The following SH3RF3 variants were observed in gnomAD, a reference collection of about 807,000 sequenced individuals.
SH3RF3 encodes E3 ubiquitin-protein ligase SH3RF3.
A neutral mutation model predicts 66.3 loss-of-function variants in SH3RF3; 29 were observed. The ratio of observed to expected loss-of-function variants is 0.44; its 90% CI spans 0.33 to 0.60. SH3RF3 has a LOEUF of 0.60. Ranked by LOEUF, SH3RF3 falls within the 20% of genes least tolerant of loss-of-function variation. SH3RF3 has a pLI of 0.04. For synonymous variants in SH3RF3, 583 were observed against 532.0 expected, an observed-to-expected ratio of 1.10 and a Z score of -1.32; for missense variants, 1,194 against 1,190.9, an observed-to-expected ratio of 1.00 and a Z score of -0.04.
Position 109,501,760 on chromosome 2 carries a change from G to A in SH3RF3, c.*89G>A. On this transcript the variant is annotated 3_prime_UTR_variant, in exon 10 of 10. Transcript: ENST00000309415. ...CAGAGAGGGAGCCATGGCGCCCCAA[G>A]GGTTCCAGGTCATCTCCAAGGCACC... 1 of 663,328 alleles carries A rather than the reference G, an allele frequency of 1.5e-6. No individual in the cohort carries two copies. Among genetic ancestry groups the A allele is most frequent in the Non-Finnish European group, 2.8e-6 (1 of 362,614 alleles). 41.1% of individuals were successfully genotyped at this position (663,328 alleles called of 1,614,324 possible). A position where few individuals can be genotyped will look rare whatever the true frequency, so the allele number is the denominator to read the frequency against.
chr2:109,302,536 G>A (rs563520609), intron 1 of SH3RF3, among the ~76,000 whole-genome samples: 1 of 152,356 alleles, frequency 6.6e-6, no homozygotes, highest in African/African-American at 2.4e-5. Flanking sequence ...CCCTCTAGGA[G>A]CTTGGGGACC....
At chr2:109,278,343 G>C (rs1447400713) in intron 1 of SH3RF3, among the ~76,000 whole-genome samples, 2 of 152,228 alleles carry the variant, frequency 1.3e-5, no homozygotes, top group Admixed American at 6.5e-5. Flanking sequence ...ATGGGGGTGG[G>C]CCCAGGGGCA....
chr2:109,409,899 T>TG (rs1273977627), intron 4 of SH3RF3, among the ~76,000 whole-genome samples: 21 of 152,116 alleles, frequency 1.4e-4, no homozygotes, highest in African/African-American at 4.6e-4. Context: ...CACTGCTCCT[T>TG]GGGGTGATGA....
chr2:109,423,196 G>A (rs1192016516), intron 5 of SH3RF3, among the ~76,000 whole-genome samples: 1 of 152,076 alleles, frequency 6.6e-6, no homozygotes, highest in Non-Finnish European at 1.5e-5. Context: ...TAGGGAGATG[G>A]GGGGTTGGCC....
chr2:109,278,271 A>G (rs1680805791), intron 1 of SH3RF3, among the ~76,000 whole-genome samples: 1 of 152,144 alleles, frequency 6.6e-6, no homozygotes, highest in Non-Finnish European at 1.5e-5. Context: ...TAGGCACTTT[A>G]TCGGCAGGGC....
At chr2:109,251,373 G>C (rs570590550) in intron 1 of SH3RF3, 29 of 646,478 alleles carry the variant, frequency 4.5e-5, no homozygotes, top group South Asian at 4.2e-4. Flanking sequence ...GCATGAGGGA[G>C]TCTGTGCATT....
At chr2:109,388,644 A>G (rs1675894027) in intron 3 of SH3RF3, among the ~76,000 whole-genome samples, 1 of 152,218 alleles carries the variant, frequency 6.6e-6, no homozygotes, top group Non-Finnish European at 1.5e-5. Context: ...ACACCTATGC[A>G]TGGAATAGGT....
chr2:109,451,467 C>T (rs1657568308), intron 8 of SH3RF3, among the ~76,000 whole-genome samples: 2 of 152,340 alleles, frequency 1.3e-5, no homozygotes, highest in African/African-American at 2.4e-5. Flanking sequence ...AGAATTCCCT[C>T]TCTCTAGTTT....
chr2:109,143,099 G>C (rs368102826), intron 1 of SH3RF3, among the ~76,000 whole-genome samples: 2 of 152,162 alleles, frequency 1.3e-5, no homozygotes, highest in East Asian at 3.9e-4. Flanking sequence ...GGCCTGCCAT[G>C]ATGGCCACAA....
intron 3 of SH3RF3, among the ~76,000 whole-genome samples, chr2:109,393,825 T>C (rs1347156244): frequency 6.6e-6 from 1 of 152,044 alleles, no homozygotes; most frequent in African/African-American, 2.4e-5. Context: ...TGCTCTTCTT[T>C]TCATGTTACA....
At chr2:109,314,541 A>G (rs931847221) in intron 1 of SH3RF3, among the ~76,000 whole-genome samples, 4 of 152,240 alleles carry the variant, frequency 2.6e-5, no homozygotes, top group Admixed American at 6.5e-5. Flanking sequence ...GAATAGCACC[A>G]TCAACTAATA....
intron 3 of SH3RF3, among the ~76,000 whole-genome samples, chr2:109,393,780 G>A (rs1173685676): frequency 6.6e-6 from 1 of 151,898 alleles, no homozygotes; most frequent in East Asian, 1.9e-4. Context: ...ACTTTGCGCT[G>A]TTTTTCTTTT....
chr2:109,133,695 A>G lies in SH3RF3; in HGVS notation c.573+3582A>G, dbSNP rs183014411. Among the ~76,000 whole-genome samples, 658 of 149,738 alleles carry G rather than the reference A, an allele frequency of 4.4e-3. 1 individual carries two copies. Among genetic ancestry groups the G allele is most frequent in the Admixed American group, 9.9e-3 (148 of 15,006 alleles). The stretch of plus-strand genomic sequence containing the variant: ...TTGTTAGTGTTTGAGTCTTTCATAC[A>G]TGGTCATCTTGATTTCCCAAGGGAC... On this transcript the variant is annotated intron_variant, in intron 1 of 9. Coordinates refer to ENST00000309415, the MANE Select transcript of SH3RF3 (RefSeq NM_001099289.3).
intron 1 of SH3RF3, among the ~76,000 whole-genome samples, chr2:109,269,333 C>T (rs2105313881): frequency 6.6e-6 from 1 of 152,314 alleles, no homozygotes; most frequent in East Asian, 1.9e-4. Flanking sequence ...CTTGCCTTCC[C>T]CCCGGGAGAA....
At chr2:109,393,469 T>C (rs140873855) in intron 3 of SH3RF3, among the ~76,000 whole-genome samples, 2 of 152,324 alleles carry the variant, frequency 1.3e-5, no homozygotes, top group African/African-American at 4.8e-5. Context: ...GGTCGTTCAG[T>C]GCACACTGAA....
intron 1 of SH3RF3, among the ~76,000 whole-genome samples, chr2:109,263,128 G>T (rs189150986): frequency 2.6e-5 from 4 of 152,190 alleles, no homozygotes; most frequent in Admixed American, 6.5e-5. Flanking sequence ...TTATAGGCGT[G>T]AGCCACCACG....
chr2:109,499,687 C>T (rs1340831661), intron 9 of SH3RF3, among the ~76,000 whole-genome samples: 5 of 152,196 alleles, frequency 3.3e-5, no homozygotes, highest in African/African-American at 7.2e-5. Flanking sequence ...CCTGGGGCCA[C>T]CACAGCTGCT....
intron 1 of SH3RF3, among the ~76,000 whole-genome samples, chr2:109,144,985 C>T (rs1677058490): frequency 6.6e-6 from 1 of 152,264 alleles, no homozygotes; most frequent in Admixed American, 6.5e-5. Flanking sequence ...CACCCGGCTC[C>T]TGGGCTCTAA....
intron 1 of SH3RF3, among the ~76,000 whole-genome samples, chr2:109,256,819 T>C (rs1209021456): frequency 6.6e-6 from 1 of 152,192 alleles, no homozygotes; most frequent in Admixed American, 6.5e-5. Flanking sequence ...TAGGTGGCAG[T>C]GCCGGGTGAC....
Sources: allele counts gnomAD v4.1 joint callset (sites outside exome capture counted in the v4.1 genomes callset), GRCh38; gene constraint gnomAD v4.1.1; transcripts MANE v1.5; gene names NCBI Gene and HGNC (gene_info 2026-07-23, HGNC 2026-07-21).